SYNE2: variants seen among roughly 807,000 people sequenced by gnomAD.
The protein encoded by SYNE2 is spectrin repeat containing nuclear envelope protein 2, also known as nesprin-2.
Under a neutral mutation model 856.3 loss-of-function variants are expected in SYNE2, and 431 were observed. The observed-to-expected ratio is 0.50, with a 90% confidence interval of 0.47 to 0.55. SYNE2 has a LOEUF of 0.55. Ranked by LOEUF, SYNE2 falls within the 20% of genes least tolerant of loss-of-function variation. SYNE2 has a pLI of 0.00. For synonymous variants in SYNE2, 2,923 were observed against 2,872.3 expected, an observed-to-expected ratio of 1.02 and a Z score of -0.56; for missense variants, 8,129 against 8,023.2, an observed-to-expected ratio of 1.01 and a Z score of -0.50.
intron 49 of SYNE2, among the ~76,000 whole-genome samples, chr14:64,057,603 T>G (rs2097283148): frequency 6.6e-6 from 1 of 152,222 alleles, no homozygotes; most frequent in Non-Finnish European, 1.5e-5. Context: ...AGCTATCTCT[T>G]CAATATACTG....
intron 108 of SYNE2, 160 bp from the exon 109 acceptor site, chr14:64,218,238 T>C (rs1455328536): frequency 5.9e-6 from 4 of 681,086 alleles, no homozygotes; most frequent in African/African-American, 1.8e-5. Context: ...AGCTTATAAA[T>C]GCTACCTAGA....
Position 64,161,527 on chromosome 14 carries a change from G to A in SYNE2, c.16095-545G>A, listed in dbSNP as rs187956963. Among the ~76,000 whole-genome samples the A allele has an allele frequency of 3.8e-3, 574 of 152,152 alleles. 4 individuals are homozygous for A. The highest frequency in any genetic ancestry group is 0.013 in the African/African-American group (551 of 41,506). ...GATAGCATATCTCTATAAACTGGGA[G>A]CCTCTTCATGTGGAGTCATTTTATC... is the stretch of plus-strand genomic sequence containing the variant. On this transcript the variant is annotated intron_variant, in intron 87 of 115. Coordinates refer to ENST00000555002, the MANE Select transcript of SYNE2 (RefSeq NM_182914.3).
In SYNE2 at chr14:64,125,187, G is replaced by A; in HGVS notation, c.13531G>A (p.Glu4511Lys). ...CACCCAACTTGAAGACCTGCGCCAAGAAGCAAGTAACCTTCAGACACAGGT... is the reference window on the plus strand; with the variant it reads ...CACCCAACTTGAAGACCTGCGCCAAAAAGCAAGTAACCTTCAGACACAGGT... ...YTTQLEDLRQ[E>K]ASNLQTQENM... The change falls in exon 71 of 116, where the codon GAA becomes AAA. Residue 4511 changes from glutamate (E) to lysine (K), a missense_variant. By Grantham distance (56) the Glu-to-Lys change is moderately conservative. This residue lies in a region of SYNE2 where 5,410 missense variants were observed against 5,284.8 expected (regional missense o/e 1.02). Coordinates refer to ENST00000555002, the MANE Select transcript of SYNE2 (RefSeq NM_182914.3). 6.2e-7 allele frequency: 1 copy of A among 1,614,126 alleles called. No individual in the cohort carries two copies. The highest frequency in any genetic ancestry group is 2.2e-5 in the East Asian group (1 of 44,878).
At chr14:64,028,962 C>T (rs2097006281) in intron 43 of SYNE2, among the ~76,000 whole-genome samples, 1 of 152,050 alleles carries the variant, frequency 6.6e-6, no homozygotes, top group African/African-American at 2.4e-5. Context: ...ATGGTGAAAC[C>T]ATGTCTCTAC....
chr14:63,942,293 A>G lies in SYNE2; in HGVS notation c.408+150A>G. On this transcript the variant is annotated intron_variant, in intron 6 of 115. Transcript: ENST00000555002. ...TCTTGAAGAGGTAGAAAATAATAGC[A>G]GACTTTTTGCCATTTCTGTTATTGG... 4.6e-6 allele frequency: 3 copies of G among 658,710 alleles called. No homozygotes were observed. In the South Asian group the frequency reaches 5.2e-5, roughly 11 times the overall value. The allele number at this position is 658,710 out of a possible 1,614,324, so 40.8% of individuals were successfully genotyped here.
chr14:63,948,704 ATG>A (rs2096077785), intron 6 of SYNE2, among the ~76,000 whole-genome samples: 1 of 115,016 alleles, frequency 8.7e-6, no homozygotes, highest in Admixed American at 1.0e-4. Context: ...ATATATATAT[ATG>A]TATATATATA....
At chr14:64,203,615 G>C (rs911059731) in intron 100 of SYNE2, among the ~76,000 whole-genome samples, 2 of 152,252 alleles carry the variant, frequency 1.3e-5, no homozygotes, top group African/African-American at 4.8e-5. Context: ...TGGTCTCATG[G>C]CCACATGCTC....
At chr14:64,184,137 C>A (rs1360305182) in intron 96 of SYNE2, among the ~76,000 whole-genome samples, 1 of 152,136 alleles carries the variant, frequency 6.6e-6, no homozygotes, top group African/African-American at 2.4e-5. Context: ...TCTTTATGAA[C>A]ATTTTAAAGC....
At chr14:63,906,267 T>C (rs1458976095) in intron 1 of SYNE2, among the ~76,000 whole-genome samples, 2 of 151,896 alleles carry the variant, frequency 1.3e-5, no homozygotes, top group Non-Finnish European at 2.9e-5. Flanking sequence ...GAAGTTTTCT[T>C]TTTTAGTTGT....
At position 63,787,875 on chromosome 14, in the gene SYNE2, G is replaced by A. The variant is rs112515527; in HGVS notation, c.-305+25889G>A. 5.7e-3 allele frequency among the ~76,000 whole-genome samples: 870 copies of A among 152,270 alleles called. 15 individuals are homozygous for A. Among genetic ancestry groups the A allele is most frequent in the African/African-American group, 0.019 (780 of 41,548 alleles). On this transcript the variant is annotated intron_variant, in intron 1 of 23. Transcript: ENST00000674003. ...CTGAAGGTGGGGTCTTACAGGGACC[G>A]CTCCCTTTGCCCAGGAGCCTGTCTG...
At chr14:64,095,683 C>G (rs1355394505) in intron 61 of SYNE2, among the ~76,000 whole-genome samples, 1 of 152,134 alleles carries the variant, frequency 6.6e-6, no homozygotes, top group Non-Finnish European at 1.5e-5. Flanking sequence ...TGCTTTTTCT[C>G]AACCATTGGC....
intron 11 of SYNE2, among the ~76,000 whole-genome samples, chr14:63,972,550 A>T (rs1298453221): frequency 6.6e-6 from 1 of 152,230 alleles, no homozygotes; most frequent in East Asian, 1.9e-4. Flanking sequence ...TTCTCAGAGT[A>T]TCATAGTAAA....
chr14:64,168,782 C>A, intron 92 of SYNE2, 95 bp from the exon 93 acceptor site: 1 of 876,138 alleles, frequency 1.1e-6, no homozygotes. Context: ...TCCCTCATAT[C>A]CTTTGTAAGC....
At chr14:63,770,685 G>A (rs1453573563) in intron 1 of SYNE2, among the ~76,000 whole-genome samples, 1 of 152,112 alleles carries the variant, frequency 6.6e-6, no homozygotes, top group Non-Finnish European at 1.5e-5. Context: ...AGCTATTCAG[G>A]AGGCTGAGCT....
intron 11 of SYNE2, among the ~76,000 whole-genome samples, 176 bp downstream of exon 11, chr14:63,968,022 G>T (rs568486834): frequency 6.6e-6 from 1 of 152,204 alleles, no homozygotes; most frequent in African/African-American, 2.4e-5. Context: ...AATTAGCAGG[G>T]TGTGTTGGTG....
At chr14:63,928,869 C>T (rs376537207) in intron 2 of SYNE2, among the ~76,000 whole-genome samples, 34 of 152,152 alleles carry the variant, frequency 2.2e-4, no homozygotes, top group African/African-American at 8.0e-4. Flanking sequence ...AGTGAGTTGG[C>T]AGTATTGTTG....
At chr14:63,897,407 C>G (rs187493674) in intron 1 of SYNE2, among the ~76,000 whole-genome samples, 1 of 152,270 alleles carries the variant, frequency 6.6e-6, no homozygotes, top group Non-Finnish European at 1.5e-5. Flanking sequence ...TGTGAATAGT[C>G]TTCACTTCTG....
Position 64,087,860 on chromosome 14 carries a change from A to G in SYNE2, c.11670+4A>G. On this transcript the variant is annotated splice_donor_region_variant and intron_variant, in intron 58 of 115. Coordinates refer to ENST00000555002, the MANE Select transcript of SYNE2 (RefSeq NM_182914.3). Reference sequence around the variant, plus strand: ...ACAGATTCAGCGAATGGCTGATGTAAGTTTGCACCATTCATTTAATCATTC... The same window carrying G: ...ACAGATTCAGCGAATGGCTGATGTAGGTTTGCACCATTCATTTAATCATTC... 1 of 1,613,768 alleles carries G rather than the reference A, an allele frequency of 6.2e-7. No individual in the cohort carries two copies. The highest frequency in any genetic ancestry group is 1.7e-4 in the Middle Eastern group (1 of 6,030).
intron 1 of SYNE2, among the ~76,000 whole-genome samples, chr14:63,869,859 G>C (rs899568215): frequency 6.6e-6 from 1 of 151,992 alleles, no homozygotes; most frequent in Non-Finnish European, 1.5e-5. Flanking sequence ...TTCTCCTCCT[G>C]TATTTTCTCT....
Sources: gnomAD v4.1 joint callset for allele counts (sites outside exome capture counted in the v4.1 genomes callset) on GRCh38, gnomAD v4.1.1 for gene constraint, gnomAD v4.1.1 regional missense constraint, MANE v1.5 for transcripts, NCBI Gene and HGNC (gene_info 2026-07-23, HGNC 2026-07-21) for gene names.